The following IGSF5 variants were observed in gnomAD, a reference collection of about 807,000 sequenced individuals.
IGSF5 encodes the protein immunoglobulin superfamily 5 like.
IGSF5 carries 41 observed loss-of-function variants against 39.4 expected under a neutral mutation model. That is an observed-to-expected ratio of 1.04 (90% CI 0.81 to 1.35). The LOEUF (loss-of-function observed/expected upper bound fraction) is 1.35, where lower values mean the gene tolerates loss of function less well. IGSF5 is among the 40% of genes most tolerant of loss of function. The pLI, the probability that IGSF5 is intolerant of heterozygous loss-of-function variation, is 0.00. For synonymous variants in IGSF5, 183 were observed against 175.3 expected (o/e 1.04, Z -0.34); for missense variants, 487 against 494.6 (o/e 0.98, Z 0.15).
intron 2 of IGSF5, among the ~76,000 whole-genome samples, chr21:39,756,648 T>C (rs769734266): frequency 2.0e-5 from 3 of 152,122 alleles, no homozygotes; most frequent in Non-Finnish European, 4.4e-5. Context: ...TGTGGAGGAA[T>C]GTTTGCAATA....
At chr21:39,788,624 G>C (rs1428382999) in intron 6 of IGSF5, among the ~76,000 whole-genome samples, 1 of 152,216 alleles carries the variant, frequency 6.6e-6, no homozygotes, top group Non-Finnish European at 1.5e-5. Context: ...AACTGTCCAG[G>C]CAGACAAATT....
In IGSF5 at chr21:39,781,134, G is replaced by T. The variant is rs565289669; in HGVS notation, c.934+1829G>T. On this transcript the variant is annotated intron_variant, in intron 5 of 8. Coordinates refer to ENST00000380588, the MANE Select transcript of IGSF5 (RefSeq NM_001080444.2). ...CTTAGTTCCTCGATGAATTTGGTTT[G>T]TGATTGGGCAATTCACTCTGTAGTA... 1.2e-4 allele frequency among the ~76,000 whole-genome samples: 18 copies of T among 152,264 alleles called. No homozygotes were observed. In the South Asian group the frequency reaches 3.1e-3, roughly 26 times the overall value.
chr21:39,773,487 T>TCCTTTTTTTTC (rs1434959534), intron 4 of IGSF5, among the ~76,000 whole-genome samples: 2 of 152,050 alleles, frequency 1.3e-5, no homozygotes, highest in African/African-American at 4.8e-5. Flanking sequence ...TCTTTTTTTT[T>TCCTTTTTTTTC]CCTCACAGTT....
chr21:39,716,451 T>G, the IGSF5 span, among the ~76,000 whole-genome samples: 1 of 152,174 alleles, frequency 6.6e-6, no homozygotes, highest in Non-Finnish European at 1.5e-5. Context: ...ACCCAGATAT[T>G]AAGCCCAGTA....
chr21:39,753,998 A>G (rs2080018069), intron 2 of IGSF5, among the ~76,000 whole-genome samples: 2 of 152,050 alleles, frequency 1.3e-5, no homozygotes, highest in African/African-American at 2.4e-5. Flanking sequence ...CATTAGGTCA[A>G]TATTAAGATG....
chr21:39,784,913 C>T (rs1017736856), intron 5 of IGSF5, among the ~76,000 whole-genome samples: 13 of 151,828 alleles, frequency 8.6e-5, no homozygotes, highest in African/African-American at 3.1e-4. Context: ...AGCTTCTGCT[C>T]AGCCTGGCCT....
the IGSF5 span, among the ~76,000 whole-genome samples, chr21:39,723,231 G>C: frequency 6.6e-6 from 1 of 152,156 alleles, no homozygotes; most frequent in Non-Finnish European, 1.5e-5. Context: ...ATGGCTATTG[G>C]CAAGCCTTTA....
chr21:39,733,385 T>G, the IGSF5 span, among the ~76,000 whole-genome samples: 2 of 152,188 alleles, frequency 1.3e-5, no homozygotes, highest in Non-Finnish European at 2.9e-5. Context: ...TATATTCTAC[T>G]ATATAATACA....
chr21:39,726,031 G>A, the IGSF5 span: 1 of 152,190 alleles, frequency 6.6e-6, no homozygotes, highest in East Asian at 1.9e-4. Context: ...GATGTGTGAA[G>A]TCTCTGTCTG....
In IGSF5 at chr21:39,791,995, G is replaced by T; in HGVS notation, c.957-13G>T. The T allele has an allele frequency of 6.4e-7, 1 of 1,556,452 alleles. No individual in the cohort carries two copies. The highest frequency in any genetic ancestry group is 8.8e-7 in the Non-Finnish European group (1 of 1,133,204). Reference sequence around the variant, plus strand: ...CCAACAATTAACATGAACATAAAATGGTCTAATTGTAGGAAATCTGAAAAA... The same window carrying T: ...CCAACAATTAACATGAACATAAAATTGTCTAATTGTAGGAAATCTGAAAAA... On this transcript the variant is annotated splice_polypyrimidine_tract_variant and intron_variant, in intron 6 of 8. Transcript: ENST00000380588.
chr21:39,745,179 C>A (rs1275232214), upstream of IGSF5, among the ~76,000 whole-genome samples: 1 of 150,882 alleles, frequency 6.6e-6, no homozygotes, highest in Non-Finnish European at 1.5e-5. Context: ...CTCTCTCCAT[C>A]TCTCTCTCTC....
At position 39,773,027 on chromosome 21, in the gene IGSF5, G is replaced by A. The variant is rs2080122635; in HGVS notation, c.718+1812G>A. ...GTTACACATACTGGTTTGTTGTATA[G>A]GCAAACTCATGTCACAGGGGATTGT... is the stretch of plus-strand genomic sequence containing the variant. On this transcript the variant is annotated intron_variant, in intron 4 of 8. Coordinates refer to ENST00000380588, the MANE Select transcript of IGSF5 (RefSeq NM_001080444.2). 2.0e-5 allele frequency among the ~76,000 whole-genome samples: 3 copies of A among 152,042 alleles called. No individual in the cohort carries two copies. In the South Asian group the frequency reaches 6.2e-4, roughly 32 times the overall value.
At chr21:39,750,734 G>A (rs546859369) in intron 2 of IGSF5, among the ~76,000 whole-genome samples, 28 of 142,038 alleles carry the variant, frequency 2.0e-4, no homozygotes, top group Non-Finnish European at 3.8e-4. Flanking sequence ...ACGCACCCTC[G>A]GGACTTTTTT....
At chr21:39,771,300 C>T (rs2080113600) in intron 4 of IGSF5, 85 bp downstream of exon 4, 7 of 1,290,366 alleles carry the variant, frequency 5.4e-6, no homozygotes, top group Non-Finnish European at 7.2e-6. Context: ...ATCCACGATG[C>T]CTGGAAAAAT....
the IGSF5 span, among the ~76,000 whole-genome samples, chr21:39,733,435 A>G: frequency 4.6e-5 from 7 of 152,240 alleles, no homozygotes; most frequent in African/African-American, 1.7e-4. Flanking sequence ...TGCTTCTAAT[A>G]GCGAAAGTGG....
rs540173733 is a variant in IGSF5 at position 39,795,340 on chromosome 21, G to A, written c.1128+1727G>A. Among the ~76,000 whole-genome samples, 98 of 152,022 alleles carry A rather than the reference G, an allele frequency of 6.4e-4. 1 individual carries two copies. The highest frequency in any genetic ancestry group is 2.3e-3 in the African/African-American group (96 of 41,468). On this transcript the variant is annotated intron_variant, in intron 8 of 8. Coordinates refer to ENST00000380588, the MANE Select transcript of IGSF5 (RefSeq NM_001080444.2). ...TGTGGGGTGGCTGGCTGAGGGGCTC[G>A]CTCCCACCCCAGCTCCAAGCACGGA...
chr21:39,799,043 G>C (rs538762811), intron 8 of IGSF5, among the ~76,000 whole-genome samples: 6 of 152,294 alleles, frequency 3.9e-5, no homozygotes, highest in African/African-American at 1.4e-4. Context: ...TCCTCAGGGG[G>C]ACGCTGGGTT....
intron 2 of IGSF5, among the ~76,000 whole-genome samples, chr21:39,747,118 C>T (rs577722434): frequency 1.3e-5 from 2 of 152,180 alleles, no homozygotes; most frequent in African/African-American, 2.4e-5. Context: ...AAGTCATACC[C>T]GAGACCGGGA....
At chr21:39,758,920 T>C (rs990342861) in intron 2 of IGSF5, among the ~76,000 whole-genome samples, 5 of 152,230 alleles carry the variant, frequency 3.3e-5, no homozygotes, top group Admixed American at 6.5e-5. Context: ...GCGCATGTCA[T>C]AAAGGTACAG....
Sources: gnomAD v4.1 joint callset for allele counts (sites outside exome capture counted in the v4.1 genomes callset) on GRCh38, gnomAD v4.1.1 for gene constraint, MANE v1.5 for transcripts, NCBI Gene and HGNC (gene_info 2026-07-23, HGNC 2026-07-21) for gene names.